PCDH15: variants seen among roughly 807,000 people sequenced by gnomAD.
The protein encoded by PCDH15 is protocadherin related 15.
Under a neutral mutation model 178.5 loss-of-function variants are expected in PCDH15, and 129 were observed. That is an observed-to-expected ratio of 0.72 (90% confidence interval 0.63 to 0.84). PCDH15 has a LOEUF of 0.84. PCDH15 is among the 40% of genes least tolerant of loss of function. PCDH15 has a pLI of 0.00. For synonymous variants in PCDH15, 800 were observed against 732.0 expected (o/e 1.09, Z -1.50); for missense variants, 2,230 against 2,099.9 (o/e 1.06, Z -1.21).
At chr10:54,226,323 T>C (rs2053444084) in intron 9 of PCDH15, among the ~76,000 whole-genome samples, 1 of 152,170 alleles carries the variant, frequency 6.6e-6, no homozygotes, top group Non-Finnish European at 1.5e-5. Context: ...TTATTCACTG[T>C]CATGAGAACA....
chr10:54,020,457 A>G lies in PCDH15; in HGVS notation c.2527-41T>C, dbSNP rs188460493. ...GAATAGTTTTATTAGTGACGTTACC[A>G]AAATAAAGAAATGCAGGAAGGATGG... On this transcript the variant is annotated intron_variant, in intron 19 of 37. Coordinates refer to ENST00000644397, the MANE Select transcript of PCDH15 (RefSeq NM_001384140.1). 903 of 1,576,776 alleles carry G rather than the reference A, an allele frequency of 5.7e-4. 6 individuals are homozygous for G. The highest frequency in any genetic ancestry group is 7.6e-5 in the Non-Finnish European group (87 of 1,147,778).
At chr10:55,475,657 G>GT (rs1444478643) in intron 2 of PCDH15, among the ~76,000 whole-genome samples, 2 of 152,116 alleles carry the variant, frequency 1.3e-5, no homozygotes, top group African/African-American at 2.4e-5. Context: ...TATAAAAGGT[G>GT]TAAGTGAAGG....
At chr10:55,357,080 G>A (rs977455969) in intron 2 of PCDH15, among the ~76,000 whole-genome samples, 4 of 151,914 alleles carry the variant, frequency 2.6e-5, no homozygotes, top group African/African-American at 9.7e-5. Context: ...CTGTGAGCAA[G>A]AGTACATAGC....
intron 2 of PCDH15, among the ~76,000 whole-genome samples, chr10:55,112,339 TGAG>T (rs1297514552): frequency 2.0e-5 from 3 of 152,010 alleles, no homozygotes; most frequent in South Asian, 2.1e-4. Context: ...GAAGATTCGA[TGAG>T]AAGATAAAGG....
intron 1 of PCDH15, among the ~76,000 whole-genome samples, chr10:55,246,003 A>G (rs1158806011): frequency 6.6e-6 from 1 of 152,218 alleles, no homozygotes; most frequent in Non-Finnish European, 1.5e-5. Flanking sequence ...TCCTGGTGCC[A>G]TGATAATACC....
chr10:54,875,191 T>A (rs1261459026), intron 3 of PCDH15, among the ~76,000 whole-genome samples: 1 of 152,198 alleles, frequency 6.6e-6, no homozygotes, highest in East Asian at 1.9e-4. Context: ...TGATTACATG[T>A]GTTATGGTTA....
chr10:53,995,718 C>G lies in PCDH15; in HGVS notation c.2799G>C (p.Gly933=), dbSNP rs139853291. The change falls in exon 21 of 38, where the codon GGG becomes GGC. Residue 933 remains glycine, a synonymous_variant. Coordinates refer to ENST00000644397, the MANE Select transcript of PCDH15 (RefSeq NM_001384140.1). ...CCTTGACTGCATCCGGAGCCACCATCCCTTTGTATATTCGTTTACTAAAGA... is the reference window on the plus strand; with the variant it reads ...CCTTGACTGCATCCGGAGCCACCATGCCTTTGTATATTCGTTTACTAAAGA... ...PPVFSKRIYK[G]MVAPDAVKGT... 91 of 1,613,752 alleles carry G rather than the reference C, an allele frequency of 5.6e-5. No homozygotes were observed. The highest frequency in any genetic ancestry group is 7.1e-5 in the Non-Finnish European group (84 of 1,179,842).
chr10:53,852,940 C>A (rs1229818679), intron 28 of PCDH15, among the ~76,000 whole-genome samples: 1 of 152,002 alleles, frequency 6.6e-6, no homozygotes, highest in Non-Finnish European at 1.5e-5. Flanking sequence ...CTATTTGGCA[C>A]CCCGATGGCT....
At chr10:54,561,067 GAA>G (rs911322716) in intron 2 of PCDH15, among the ~76,000 whole-genome samples, 2 of 152,042 alleles carry the variant, frequency 1.3e-5, no homozygotes, top group African/African-American at 4.8e-5. Flanking sequence ...TCAAGAGTAA[GAA>G]AATATGAGAA....
At chr10:54,036,579 A>G (rs2093422049) in intron 18 of PCDH15, among the ~76,000 whole-genome samples, 1 of 151,798 alleles carries the variant, frequency 6.6e-6, no homozygotes, top group Non-Finnish European at 1.5e-5. Flanking sequence ...CCTACTGCTC[A>G]GGAAAAAAAA....
chr10:55,217,944 A>T (rs147098832), intron 1 of PCDH15, among the ~76,000 whole-genome samples: 5 of 152,132 alleles, frequency 3.3e-5, no homozygotes, highest in Non-Finnish European at 7.4e-5. Flanking sequence ...CACAAAATGT[A>T]CAGATTTTAA....
rs1246946935 is a variant in PCDH15, at chr10:53,876,186, T to TG, written c.3502-9330_3502-9329insC. ...ACTTTAACTTGAGTCTTGTTTTTTT[T>TG]TTTGTTTTTTTGTTTTTTTTTTGAC... On this transcript the variant is annotated intron_variant, in intron 26 of 37. Transcript: ENST00000644397. 7.9e-3 allele frequency among the ~76,000 whole-genome samples: 454 copies of TG among 57,114 alleles called. 2 individuals are homozygous for TG. The highest frequency in any genetic ancestry group is 0.055 in the African/African-American group (416 of 7,556). The allele number at this position is 57,114 out of a possible 152,430, so 37.5% of individuals were successfully genotyped here.
At chr10:55,254,120 T>C (rs2253002) in intron 1 of PCDH15, among the ~76,000 whole-genome samples, 128,786 of 152,186 alleles carry the variant, frequency 0.85, 55,131 homozygotes, top group East Asian at 0.96. Context: ...TAACATATGA[T>C]AGCAATTTAT....
At chr10:55,136,697 C>T (rs901686085) in intron 2 of PCDH15, among the ~76,000 whole-genome samples, 2 of 151,990 alleles carry the variant, frequency 1.3e-5, no homozygotes, top group African/African-American at 2.4e-5. Context: ...AGCCAAATTT[C>T]GTGAAAAACT....
chr10:54,914,911 C>T (rs560613856), intron 2 of PCDH15, among the ~76,000 whole-genome samples: 1 of 152,276 alleles, frequency 6.6e-6, no homozygotes, highest in East Asian at 1.9e-4. Flanking sequence ...TGGGACATGC[C>T]ATTCTCATGG....
At chr10:54,583,014 G>T (rs540613078) in intron 2 of PCDH15, among the ~76,000 whole-genome samples, 3 of 135,826 alleles carry the variant, frequency 2.2e-5, no homozygotes, top group African/African-American at 8.2e-5. Flanking sequence ...AGAATATCTT[G>T]CATATATACA....
intron 2 of PCDH15, among the ~76,000 whole-genome samples, chr10:54,983,767 T>C (rs1333819877): frequency 6.6e-6 from 1 of 152,146 alleles, no homozygotes; most frequent in Non-Finnish European, 1.5e-5. Flanking sequence ...CTATTTCTTT[T>C]GGTGGGATCA....
chr10:54,214,272 A>AT (rs2051758572), intron 9 of PCDH15, among the ~76,000 whole-genome samples: 1 of 151,976 alleles, frequency 6.6e-6, no homozygotes, highest in African/African-American at 2.4e-5. Context: ...GATTTTTGAA[A>AT]TTTTTTTTAT....
At chr10:54,958,602 A>G (rs919146653) in intron 2 of PCDH15, among the ~76,000 whole-genome samples, 2 of 151,988 alleles carry the variant, frequency 1.3e-5, no homozygotes, top group South Asian at 4.1e-4. Context: ...AACTCTGAAG[A>G]AGCTGAAGAA....
Sources: gnomAD v4.1 joint callset for allele counts (sites outside exome capture counted in the v4.1 genomes callset) on GRCh38, gnomAD v4.1.1 for gene constraint, MANE v1.5 for transcripts, NCBI Gene and HGNC (gene_info 2026-07-23, HGNC 2026-07-21) for gene names.